Variants in PAPSS1 observed in about 807,000 individuals in gnomAD.
PAPSS1 encodes the protein 3'-phosphoadenosine 5'-phosphosulfate synthase 1, also known as bifunctional 3'-phosphoadenosine 5'-phosphosulfate synthase 1.
In PAPSS1, 50 loss-of-function variants were observed where a neutral mutation model predicts 72.0. The ratio of observed to expected loss-of-function variants is 0.69; its 90% CI spans 0.55 to 0.88. The LOEUF (loss-of-function observed/expected upper bound fraction) is 0.88. PAPSS1 is among the 40% of genes least tolerant of loss of function. The pLI, the probability that PAPSS1 is intolerant of heterozygous loss-of-function variation, is 0.00. For synonymous variants in PAPSS1, 261 were observed against 263.6 expected (o/e 0.99, Z 0.09); for missense variants, 657 against 782.2 (o/e 0.84, Z 1.91).
intron 1 of PAPSS1, among the ~76,000 whole-genome samples, chr4:107,703,157 ATCTT>A (rs1427294842): frequency 6.6e-6 from 1 of 152,150 alleles, no homozygotes; most frequent in African/African-American, 2.4e-5. Context: ...CTATTTGTCT[ATCTT>A]CCTTTTAGGA....
chr4:107,666,644 T>G (rs1283134500), intron 5 of PAPSS1, among the ~76,000 whole-genome samples: 2 of 152,206 alleles, frequency 1.3e-5, no homozygotes, highest in Admixed American at 6.5e-5. Context: ...ACATTTTTCT[T>G]GGACAATGAA....
rs138339577 is a variant in PAPSS1 at position 107,692,021 on chromosome 4, C to T, written c.411+1750G>A. Among the ~76,000 whole-genome samples, 275 of 152,182 alleles carry T rather than the reference C, an allele frequency of 1.8e-3. No homozygotes were observed. The Middle Eastern group carries it at 0.024, about 13-fold the overall frequency. The stretch of plus-strand genomic sequence containing the variant: ...AGATTGAAACTGGACCCCTTCCTTA[C>T]ACCATAGGCAAAAATTAACTCAAGA... On this transcript the variant is annotated intron_variant, in intron 3 of 11. Coordinates refer to ENST00000265174, the MANE Select transcript of PAPSS1 (RefSeq NM_005443.5).
At chr4:107,699,371 A>T (rs1313605655) in intron 2 of PAPSS1, among the ~76,000 whole-genome samples, 4 of 152,194 alleles carry the variant, frequency 2.6e-5, no homozygotes, top group African/African-American at 9.6e-5. Context: ...ATAAAAATAC[A>T]GTAACTAAGA....
intron 6 of PAPSS1, among the ~76,000 whole-genome samples, chr4:107,659,016 T>C (rs187145459): frequency 8.9e-4 from 135 of 152,344 alleles, no homozygotes; most frequent in African/African-American, 3.1e-3. Flanking sequence ...TTCATAGTCA[T>C]TCATTCTCAT....
chr4:107,658,488 T>C (rs1163788094), intron 6 of PAPSS1, among the ~76,000 whole-genome samples: 3 of 152,136 alleles, frequency 2.0e-5, no homozygotes, highest in Admixed American at 2.0e-4. Context: ...CATATCCCAT[T>C]AGAACGTCAA....
chr4:107,676,874 A>G (rs1212005349), intron 5 of PAPSS1, among the ~76,000 whole-genome samples: 3 of 152,078 alleles, frequency 2.0e-5, no homozygotes, highest in Non-Finnish European at 4.4e-5. Context: ...CCTCAGAAAT[A>G]ATGCCACATA....
chr4:107,685,144 T>C (rs895791004), intron 4 of PAPSS1, among the ~76,000 whole-genome samples: 6 of 152,210 alleles, frequency 3.9e-5, no homozygotes, highest in African/African-American at 1.4e-4. Flanking sequence ...TCAAATATTT[T>C]ACAAGAGTTC....
At chr4:107,683,533 G>A (rs957235402) in intron 4 of PAPSS1, among the ~76,000 whole-genome samples, 3 of 152,152 alleles carry the variant, frequency 2.0e-5, no homozygotes, top group African/African-American at 7.2e-5. Context: ...CTTACATGCA[G>A]CAAAGCTTGA....
At chr4:107,630,954 TTC>T (rs2110301940) in intron 11 of PAPSS1, among the ~76,000 whole-genome samples, 1 of 152,252 alleles carries the variant, frequency 6.6e-6, no homozygotes, top group African/African-American at 2.4e-5. Flanking sequence ...AAGTGGAAAA[TTC>T]CATCTCTGAC....
At chr4:107,705,567 C>T (rs1276808482) in intron 1 of PAPSS1, among the ~76,000 whole-genome samples, 1 of 152,162 alleles carries the variant, frequency 6.6e-6, no homozygotes, top group Non-Finnish European at 1.5e-5. Flanking sequence ...GTTCTTTATA[C>T]CAGTGTGAAA....
At chr4:107,651,855 C>T (rs1412453292) in intron 9 of PAPSS1, among the ~76,000 whole-genome samples, 2 of 152,194 alleles carry the variant, frequency 1.3e-5, no homozygotes, top group South Asian at 4.1e-4. Flanking sequence ...TCTTATTTCA[C>T]TTTTTAAAGT....
chr4:107,705,253 C>T (rs2125938774), intron 1 of PAPSS1, among the ~76,000 whole-genome samples: 1 of 152,186 alleles, frequency 6.6e-6, no homozygotes, highest in East Asian at 1.9e-4. Context: ...GCTATGTGTC[C>T]CCACACAAAT....
chr4:107,641,090 G>T (rs1431381521), intron 10 of PAPSS1, among the ~76,000 whole-genome samples: 1 of 152,184 alleles, frequency 6.6e-6, no homozygotes, highest in Non-Finnish European at 1.5e-5. Flanking sequence ...AACTAGTCAG[G>T]CTCCCCTGAG....
intron 9 of PAPSS1, among the ~76,000 whole-genome samples, chr4:107,647,785 C>T (rs532368811): frequency 6.6e-6 from 1 of 152,246 alleles, no homozygotes; most frequent in South Asian, 2.1e-4. Context: ...CTTGGAGCCA[C>T]AAGGCTTACT....
In PAPSS1 at chr4:107,720,183, C is replaced by G. The variant is rs201199394; in HGVS notation, c.-4G>C. The G allele has an allele frequency of 2.5e-6, 4 of 1,600,962 alleles. No homozygotes were observed. The African/African-American group carries it at 4.1e-5, about 16-fold the overall frequency. ...ACAGGCTCCCGGGGATCTCCATGAC[C>G]GCGGAGCGCGCTGAGCAGCCGGGGT... On this transcript the variant is annotated 5_prime_UTR_variant, in exon 1 of 12. Coordinates refer to ENST00000265174, the MANE Select transcript of PAPSS1 (RefSeq NM_005443.5).
chr4:107,617,504 A>C (rs1725854526), intron 11 of PAPSS1, among the ~76,000 whole-genome samples: 1 of 152,192 alleles, frequency 6.6e-6, no homozygotes, highest in African/African-American at 2.4e-5. Context: ...CAGTCACAAG[A>C]AAAATCAATG....
intron 11 of PAPSS1, among the ~76,000 whole-genome samples, chr4:107,630,313 T>C (rs6819207): frequency 0.24 from 36,611 of 152,194 alleles, 4,434 homozygotes; most frequent in East Asian, 0.37. Context: ...GGCTCTGTGT[T>C]CCCACACAAA....
chr4:107,621,772 C>A (rs1452910952), intron 11 of PAPSS1, among the ~76,000 whole-genome samples: 3 of 151,450 alleles, frequency 2.0e-5, no homozygotes, highest in Non-Finnish European at 4.4e-5. Context: ...AGGTGCCTGC[C>A]ACCACGCCTG....
At chr4:107,693,742 A>G (rs770808269) in intron 3 of PAPSS1, 29 bp downstream of exon 3, 1 of 1,474,276 alleles carries the variant, frequency 6.8e-7, no homozygotes, top group South Asian at 1.1e-5. Flanking sequence ...AAATGTAAGC[A>G]GAAAGGCAAT....
Sources: gnomAD v4.1 joint callset for allele counts (sites outside exome capture counted in the v4.1 genomes callset) on GRCh38, gnomAD v4.1.1 for gene constraint, MANE v1.5 for transcripts, NCBI Gene and HGNC (gene_info 2026-07-23, HGNC 2026-07-21) for gene names.